PTPRN2: variants seen among roughly 807,000 people sequenced by gnomAD.
PTPRN2 encodes protein tyrosine phosphatase receptor type N2, also known as receptor-type tyrosine-protein phosphatase N2.
Under a neutral mutation model 118.8 loss-of-function variants are expected in PTPRN2, and 74 were observed. The ratio of observed to expected loss-of-function variants is 0.62; its 90% confidence interval spans 0.52 to 0.76. PTPRN2 has a LOEUF of 0.76. Among genes scored for constraint, PTPRN2 ranks in the 30% least tolerant of loss-of-function variants. The pLI, the probability that PTPRN2 is intolerant of heterozygous loss-of-function variation, is 0.00. For missense variants in PTPRN2, 1,481 were observed against 1,394.4 expected, an observed-to-expected ratio of 1.06 and a Z score of -0.99; for synonymous variants, 641 against 608.0, an observed-to-expected ratio of 1.05 and a Z score of -0.80.
chr7:158,244,334 T>C (rs1429443723), intron 3 of PTPRN2, among the ~76,000 whole-genome samples: 2 of 152,242 alleles, frequency 1.3e-5, no homozygotes, highest in Non-Finnish European at 2.9e-5. Context: ...GTCAAGGCAG[T>C]GTCCTGAAGA....
chr7:158,484,577 G>A (rs1820868748), intron 2 of PTPRN2, among the ~76,000 whole-genome samples: 2 of 152,196 alleles, frequency 1.3e-5, no homozygotes, highest in African/African-American at 4.8e-5. Flanking sequence ...TGGCCAGGCT[G>A]GCCGTGAACT....
intron 2 of PTPRN2, among the ~76,000 whole-genome samples, chr7:158,331,152 C>T (rs367810112): frequency 6.9e-5 from 9 of 130,636 alleles, no homozygotes; most frequent in East Asian, 2.4e-4. Flanking sequence ...GCAGACGTCA[C>T]TCACACCCAC....
At position 157,874,828 on chromosome 7, in the gene PTPRN2, G is replaced by C. The variant is rs113794773; in HGVS notation, c.1788+23845C>G. Among the ~76,000 whole-genome samples the C allele has an allele frequency of 5.4e-5, 7 of 130,082 alleles. No homozygotes were observed. Among genetic ancestry groups the C allele is most frequent in the East Asian group, 2.4e-4 (1 of 4,196 alleles). The allele number at this position is 130,082 out of a possible 152,430, so 85.3% of individuals were successfully genotyped here. ...AGAGACACACTCATGGACACACACA[G>C]AGACACACTCATGCACATATACACA... On this transcript the variant is annotated intron_variant, in intron 12 of 22. Coordinates refer to ENST00000389418, the MANE Select transcript of PTPRN2 (RefSeq NM_002847.5). The surrounding 1 kb of genome is among the most constrained non-coding windows in gnomAD (Gnocchi z 5.8).
chr7:157,571,579 CTGTG>C, intron 19 of PTPRN2, 86 bp from the exon 20 acceptor site: 1 of 995,216 alleles, frequency 1.0e-6, no homozygotes, highest in Non-Finnish European at 1.5e-6. Context: ...AGCGCAAGGT[CTGTG>C]TGTTTGAAAT....
intron 4 of PTPRN2, among the ~76,000 whole-genome samples, chr7:158,203,225 CAAAAAAAAAAAAAAAAAAA>C (rs56016358): frequency 2.0e-5 from 1 of 50,340 alleles, no homozygotes; most frequent in Non-Finnish European, 3.9e-5. Context: ...AAGCAAGAGC[CAAAAAAAAAAAAAAAAAAA>C]AAAAAAAGAA....
intron 5 of PTPRN2, among the ~76,000 whole-genome samples, chr7:158,182,189 TA>T (rs1824770002): frequency 6.6e-6 from 1 of 152,360 alleles, no homozygotes; most frequent in East Asian, 1.9e-4. Context: ...TTGAGGAGCA[TA>T]TTTTTTTATT....
chr7:157,581,613 C>T (rs550650120), intron 17 of PTPRN2, among the ~76,000 whole-genome samples: 133 of 152,326 alleles, frequency 8.7e-4, no homozygotes, highest in African/African-American at 2.9e-3. Context: ...TTCAGTGATT[C>T]GGACAGTGAC....
rs570807082 is a variant in PTPRN2 at position 157,596,554 on chromosome 7, G to A, written c.2419-1239C>T. Among the ~76,000 whole-genome samples, 7 of 152,322 alleles carry A rather than the reference G, an allele frequency of 4.6e-5. No individual in the cohort carries two copies. The highest frequency in any genetic ancestry group is 1.9e-4 in the East Asian group (1 of 5,184). ...AGATTTGAGCACATTGCTGAGGGGC[G>A]TCAGATGGAGGTGGTTCTGTCTTCC... On this transcript the variant is annotated intron_variant, in intron 16 of 22. Transcript: ENST00000389418. The surrounding 1 kb of genome is among the most constrained non-coding windows in gnomAD (Gnocchi z 4.2).
At chr7:158,322,880 C>T (rs893038623) in intron 2 of PTPRN2, among the ~76,000 whole-genome samples, 6 of 152,316 alleles carry the variant, frequency 3.9e-5, no homozygotes, top group Admixed American at 6.5e-5. Context: ...GAGCCCATGG[C>T]GGGTAAACAG....
chr7:158,280,002 C>T (rs1799307181), intron 3 of PTPRN2, among the ~76,000 whole-genome samples: 1 of 151,596 alleles, frequency 6.6e-6, no homozygotes, highest in Non-Finnish European at 1.5e-5. Flanking sequence ...CCACGCCCCA[C>T]CGCTGCCCCC....
At position 157,764,281 on chromosome 7, in the gene PTPRN2, A is replaced by C. The variant is rs888534183; in HGVS notation, c.1789-81344T>G. Among the ~76,000 whole-genome samples the C allele has an allele frequency of 6.6e-6, 1 of 152,200 alleles. No individual in the cohort carries two copies. Among genetic ancestry groups the C allele is most frequent in the Non-Finnish European group, 1.5e-5 (1 of 68,036 alleles). ...GACTCAGAGAGAGATTCGCACGCCC[A>C]TGTTCATAGCAGCAGCGCTCACAGA... On this transcript the variant is annotated intron_variant, in intron 12 of 22. Transcript: ENST00000389418. This position sits in a 1 kb window ranked among gnomAD's most constrained non-coding sequence, Gnocchi z 4.5.
chr7:158,085,624 CCCTCGACGCCCAT>C (rs1813311318), intron 10 of PTPRN2, among the ~76,000 whole-genome samples: 1 of 137,596 alleles, frequency 7.3e-6, no homozygotes, highest in African/African-American at 2.8e-5. Context: ...CCCATCCACA[CCCTCGACGCCCAT>C]CCACACAGAT....
chr7:158,203,598 C>A (rs536121965), intron 4 of PTPRN2, among the ~76,000 whole-genome samples: 1 of 151,818 alleles, frequency 6.6e-6, no homozygotes, highest in African/African-American at 2.4e-5. Flanking sequence ...TGTTCTGCAC[C>A]CCCCCAGAGT....
chr7:157,842,410 CTTTTTTT>C (rs11316558), intron 12 of PTPRN2, among the ~76,000 whole-genome samples: 9,111 of 93,708 alleles, frequency 0.097, 352 homozygotes, highest in South Asian at 0.18. Context: ...ATTCAGGAGA[CTTTTTTT>C]TTTTTTTTTT....
intron 2 of PTPRN2, among the ~76,000 whole-genome samples, chr7:158,341,810 A>T (rs1806876407): frequency 7.5e-6 from 1 of 133,758 alleles, no homozygotes; most frequent in Non-Finnish European, 1.6e-5. Context: ...TCTCACCGTA[A>T]GAGGTGACAC....
intron 13 of PTPRN2, among the ~76,000 whole-genome samples, chr7:157,682,124 T>C (rs1796942315): frequency 1.3e-5 from 2 of 152,230 alleles, no homozygotes; most frequent in South Asian, 4.1e-4. Flanking sequence ...TTTTTAAAAA[T>C]GCCCGACTTG....
Position 158,151,142 on chromosome 7 carries a change from T to C in PTPRN2, c.911-12627A>G, listed in dbSNP as rs891098460. Among the ~76,000 whole-genome samples, 50 of 79,256 alleles carry C rather than the reference T, an allele frequency of 6.3e-4. 6 individuals are homozygous for C. The highest frequency in any genetic ancestry group is 1.8e-3 in the African/African-American group (32 of 17,694). 52.0% of individuals were successfully genotyped at this position (79,256 alleles called of 152,430 possible). A position where few individuals can be genotyped will look rare whatever the true frequency, so the allele number is the denominator to read the frequency against. On this transcript the variant is annotated intron_variant, in intron 6 of 22. Coordinates refer to ENST00000389418, the MANE Select transcript of PTPRN2 (RefSeq NM_002847.5). The stretch of plus-strand genomic sequence containing the variant: ...CCTGCCCACACCGCCCGCCTTTCTA[T>C]TCCTGCCTCTCCCTGCCCACACCGC...
At chr7:157,921,179 C>T (rs539933525) in intron 11 of PTPRN2, among the ~76,000 whole-genome samples, 1 of 152,296 alleles carries the variant, frequency 6.6e-6, no homozygotes, top group East Asian at 1.9e-4. Context: ...TGACACAGGG[C>T]TTGCAGGAAC....
intron 2 of PTPRN2, among the ~76,000 whole-genome samples, chr7:158,459,128 GTGC>G (rs1818758948): frequency 6.6e-6 from 1 of 150,418 alleles, no homozygotes; most frequent in Non-Finnish European, 1.5e-5. Context: ...GGGACCACAC[GTGC>G]TGATGTCTCC....
Sources: gnomAD v4.1 joint callset for allele counts (sites outside exome capture counted in the v4.1 genomes callset) on GRCh38, gnomAD v4.1.1 for gene constraint, Gnocchi (gnomAD v3.1) non-coding constraint, MANE v1.5 for transcripts, NCBI Gene and HGNC (gene_info 2026-07-23, HGNC 2026-07-21) for gene names.